The following CTNNA2 variants were observed in gnomAD, a reference collection of about 807,000 sequenced individuals.
The protein encoded by CTNNA2 is catenin alpha-2.
CTNNA2 carries 42 observed loss-of-function variants against 101.0 expected under a neutral mutation model. The ratio of observed to expected loss-of-function variants is 0.42; its 90% CI spans 0.32 to 0.54. The LOEUF (loss-of-function observed/expected upper bound fraction) is 0.54. CTNNA2 is among the 20% of genes least tolerant of loss of function. The pLI is 0.14. For missense variants in CTNNA2, 871 were observed against 1,223.1 expected, an observed-to-expected ratio of 0.71 and a Z score of 4.29; for synonymous variants, 450 against 456.4, an observed-to-expected ratio of 0.99 and a Z score of 0.18.
intron 18 of CTNNA2, among the ~76,000 whole-genome samples, chr2:80,620,021 G>A (rs774684711): frequency 2.0e-5 from 3 of 151,724 alleles, no homozygotes; most frequent in Non-Finnish European, 4.4e-5. Context: ...TTCTTTCCTC[G>A]TTCTCTCCTG....
intron 7 of CTNNA2, among the ~76,000 whole-genome samples, chr2:79,922,907 G>A (rs1289957295): frequency 6.6e-6 from 1 of 151,996 alleles, no homozygotes; most frequent in Non-Finnish European, 1.5e-5. Flanking sequence ...GACAACATTG[G>A]ATTTTCGGTA....
At chr2:80,219,133 C>G (rs76052117) in intron 7 of CTNNA2, among the ~76,000 whole-genome samples, 4,462 of 152,278 alleles carry the variant, frequency 0.029, 232 homozygotes, top group African/African-American at 0.1. Context: ...CCTTGACTGA[C>G]TTAGGTTGCT....
At chr2:79,586,968 CTCTA>C (rs1317360380) in intron 1 of CTNNA2, among the ~76,000 whole-genome samples, 1 of 152,164 alleles carries the variant, frequency 6.6e-6, no homozygotes, top group African/African-American at 2.4e-5. Flanking sequence ...TGGCCTCCAA[CTCTA>C]TCTGAGTTGC....
At chr2:80,544,945 C>G in intron 9 of CTNNA2, 37 bp from the exon 10 acceptor site, 1 of 1,571,946 alleles carries the variant, frequency 6.4e-7, no homozygotes, top group African/African-American at 1.3e-5. Context: ...TTCCCTTTGC[C>G]CCAACCTAAT....
chr2:80,139,232 C>T (rs911147490), intron 7 of CTNNA2, among the ~76,000 whole-genome samples: 5 of 152,104 alleles, frequency 3.3e-5, no homozygotes, highest in African/African-American at 4.8e-5. Flanking sequence ...CCAATGCACG[C>T]GTCTTGAGTC....
chr2:79,745,702 C>T (rs953177267), intron 3 of CTNNA2, among the ~76,000 whole-genome samples: 2 of 152,026 alleles, frequency 1.3e-5, no homozygotes, highest in Non-Finnish European at 2.9e-5. Context: ...TTTTGACTGG[C>T]TTATTTCACT....
intron 3 of CTNNA2, among the ~76,000 whole-genome samples, chr2:79,849,342 T>C (rs1312311405): frequency 1.3e-5 from 2 of 152,014 alleles, no homozygotes; most frequent in African/African-American, 4.8e-5. Context: ...ATACTGCTTA[T>C]TTAAGCCAAA....
chr2:79,252,707 T>C (rs1360972395), intron 2 of CTNNA2, among the ~76,000 whole-genome samples: 1 of 152,174 alleles, frequency 6.6e-6, no homozygotes, highest in Non-Finnish European at 1.5e-5. Context: ...CAGCACTCTA[T>C]TTCTATTACA....
intron 7 of CTNNA2, among the ~76,000 whole-genome samples, chr2:80,022,283 A>G (rs1244456684): frequency 1.3e-5 from 2 of 152,226 alleles, no homozygotes; most frequent in Non-Finnish European, 2.9e-5. Context: ...TAAAAGGCTG[A>G]GTAAAACAGA....
intron 4 of CTNNA2, among the ~76,000 whole-genome samples, chr2:79,411,084 G>T (rs979319812): frequency 6.6e-6 from 1 of 152,094 alleles, no homozygotes; most frequent in Admixed American, 6.6e-5. Context: ...TAGTTTATTT[G>T]CTTAGAGTTG....
At chr2:80,404,422 C>A (rs1678866753) in intron 8 of CTNNA2, among the ~76,000 whole-genome samples, 1 of 151,908 alleles carries the variant, frequency 6.6e-6, no homozygotes, top group Admixed American at 6.6e-5. Flanking sequence ...AAAGAATGTC[C>A]CCCAGTGAGG....
chr2:79,311,576 G>A (rs1558620076), intron 2 of CTNNA2, among the ~76,000 whole-genome samples: 1 of 151,978 alleles, frequency 6.6e-6, no homozygotes, highest in Admixed American at 6.6e-5. Context: ...GGTGACAGTC[G>A]CTTAAAAGTC....
chr2:80,303,034 G>A lies in CTNNA2; in HGVS notation c.1057-90177G>A. The A allele has an allele frequency of 1.2e-6, 2 of 1,613,842 alleles. No homozygotes were observed. Among genetic ancestry groups the A allele is most frequent in the South Asian group, 1.1e-5 (1 of 91,062 alleles). ...TGTACTCGATCTCGTTGCCCGACAA[G>A]TCCATTTTCTCCAGGTTCCAAACCC... On this transcript the variant is annotated intron_variant, in intron 7 of 18. Transcript: ENST00000402739. This position sits in a 1 kb window ranked among gnomAD's most constrained non-coding sequence, Gnocchi z 7.7.
At chr2:79,543,861 G>A (rs1220964150) in intron 1 of CTNNA2, among the ~76,000 whole-genome samples, 8 of 152,110 alleles carry the variant, frequency 5.3e-5, no homozygotes, top group East Asian at 1.9e-4. Context: ...TAAATTTCTC[G>A]TTATAAAATA....
intron 3 of CTNNA2, among the ~76,000 whole-genome samples, chr2:79,351,143 C>A (rs753797317): frequency 9.2e-5 from 14 of 152,066 alleles, no homozygotes; most frequent in Non-Finnish European, 1.6e-4. Context: ...AGATAAGTCC[C>A]ATTTGTCTAT....
At chr2:80,231,111 A>C (rs1709184870) in intron 7 of CTNNA2, among the ~76,000 whole-genome samples, 2 of 152,114 alleles carry the variant, frequency 1.3e-5, no homozygotes, top group Admixed American at 1.3e-4. Flanking sequence ...AGCTGGGATG[A>C]CAGGCATGCA....
At position 79,344,002 on chromosome 2, in the gene CTNNA2, C is replaced by G. The variant is rs111275955; in HGVS notation, c.-317-29829C>G. On this transcript the variant is annotated intron_variant, in intron 3 of 21. Transcript: ENST00000466387. ...AACCAATGAGGCTCCTGGCCACACCCCAGTCTATGACCTCCTTTGTATGTA... is the reference window on the plus strand; with the variant it reads ...AACCAATGAGGCTCCTGGCCACACCGCAGTCTATGACCTCCTTTGTATGTA... Among the ~76,000 whole-genome samples the G allele has an allele frequency of 2.1e-3, 315 of 152,254 alleles. 3 individuals carry two copies. The highest frequency in any genetic ancestry group is 7.0e-3 in the African/African-American group (290 of 41,536).
At chr2:79,302,643 GA>G (rs1339292842) in intron 2 of CTNNA2, among the ~76,000 whole-genome samples, 1 of 152,074 alleles carries the variant, frequency 6.6e-6, no homozygotes, top group Non-Finnish European at 1.5e-5. Flanking sequence ...TGTTTTTTGA[GA>G]AAGTACCCTT....
At chr2:79,910,750 C>G (rs917516113) in intron 7 of CTNNA2, among the ~76,000 whole-genome samples, 1 of 152,100 alleles carries the variant, frequency 6.6e-6, no homozygotes, top group African/African-American at 2.4e-5. Context: ...TAGAACACCC[C>G]GAGGCAATGC....
Sources: allele counts gnomAD v4.1 joint callset (sites outside exome capture counted in the v4.1 genomes callset), GRCh38; gene constraint gnomAD v4.1.1; non-coding constraint Gnocchi (gnomAD v3.1); transcripts MANE v1.5; gene names NCBI Gene and HGNC (gene_info 2026-07-23, HGNC 2026-07-21).